MCTP1: variants seen among roughly 807,000 people sequenced by gnomAD.
MCTP1 encodes the protein multiple C2 and transmembrane domain containing 1.
A neutral mutation model predicts 120.6 loss-of-function variants in MCTP1; 69 were observed. The observed-to-expected ratio is 0.57, with a 90% CI of 0.47 to 0.70. The LOEUF is 0.70. Among genes scored for constraint, MCTP1 ranks in the 30% least tolerant of loss-of-function variants. MCTP1 has a pLI of 0.00. For missense variants in MCTP1, 1,203 were observed against 1,248.8 expected (o/e 0.96, Z 0.55); for synonymous variants, 529 against 493.1 (o/e 1.07, Z -0.96).
At chr5:94,735,989 A>G (rs1399966339) in intron 19 of MCTP1, among the ~76,000 whole-genome samples, 1 of 152,168 alleles carries the variant, frequency 6.6e-6, no homozygotes, top group East Asian at 1.9e-4. Flanking sequence ...CTTGGTTTCA[A>G]CCCACTACCC....
intron 1 of MCTP1, among the ~76,000 whole-genome samples, chr5:95,275,438 T>A (rs541575891): frequency 6.6e-6 from 1 of 152,170 alleles, no homozygotes; most frequent in Non-Finnish European, 1.5e-5. Context: ...CACCAAACCC[T>A]CTTGGCTCCT....
chr5:95,072,081 C>CTCTGTGTGTG (rs1752303253), intron 1 of MCTP1, among the ~76,000 whole-genome samples: 1 of 143,784 alleles, frequency 7.0e-6, no homozygotes, highest in Non-Finnish European at 1.5e-5. Context: ...GCCAATTTTC[C>CTCTGTGTGTG]TGTGTGTGTG....
intron 18 of MCTP1, among the ~76,000 whole-genome samples, chr5:94,786,636 C>G (rs1343371301): frequency 6.6e-6 from 1 of 152,180 alleles, no homozygotes; most frequent in Non-Finnish European, 1.5e-5. Context: ...AAAAGCCTGC[C>G]TGGTCTACTT....
intron 1 of MCTP1, among the ~76,000 whole-genome samples, chr5:95,037,603 C>G (rs1400529593): frequency 6.6e-6 from 1 of 152,108 alleles, no homozygotes; most frequent in Non-Finnish European, 1.5e-5. Context: ...CAGTGGCTAA[C>G]GTCTGTAATC....
At chr5:95,248,709 C>G (rs992218183) in intron 1 of MCTP1, among the ~76,000 whole-genome samples, 2 of 152,100 alleles carry the variant, frequency 1.3e-5, no homozygotes, top group African/African-American at 4.8e-5. Flanking sequence ...CCCACATAAC[C>G]AAGACAATCC....
intron 11 of MCTP1, among the ~76,000 whole-genome samples, chr5:94,891,808 CTTCATCAAGAGGTA>C (rs1410788054): frequency 7.3e-5 from 11 of 151,478 alleles, no homozygotes; most frequent in Admixed American, 4.6e-4. Context: ...AAAAACATAA[CTTCATCAAGAGGTA>C]TTCATCAAGA....
At chr5:94,838,559 T>A (rs746340459) in intron 17 of MCTP1, among the ~76,000 whole-genome samples, 1 of 152,136 alleles carries the variant, frequency 6.6e-6, no homozygotes, top group Non-Finnish European at 1.5e-5. Context: ...GAAACTCCCA[T>A]ACAATGCACT....
chr5:95,012,379 T>C (rs1350177740), intron 2 of MCTP1, among the ~76,000 whole-genome samples: 2 of 152,108 alleles, frequency 1.3e-5, no homozygotes, highest in East Asian at 1.9e-4. Context: ...AGTACATACA[T>C]TTATGTATAG....
chr5:95,114,927 C>G (rs1010287183), intron 1 of MCTP1, among the ~76,000 whole-genome samples: 1 of 152,162 alleles, frequency 6.6e-6, no homozygotes, highest in Non-Finnish European at 1.5e-5. Flanking sequence ...CTCCAGATGG[C>G]CCAGAACAGA....
intron 17 of MCTP1, among the ~76,000 whole-genome samples, chr5:94,820,329 C>T (rs1440048661): frequency 1.3e-5 from 2 of 152,178 alleles, no homozygotes; most frequent in Non-Finnish European, 2.9e-5. Context: ...ATCTTATCAC[C>T]AAAGCATAGC....
At chr5:95,241,618 C>T (rs73776337) in intron 1 of MCTP1, among the ~76,000 whole-genome samples, 1 of 152,052 alleles carries the variant, frequency 6.6e-6, no homozygotes, top group Admixed American at 6.6e-5. Flanking sequence ...ACATTTATAC[C>T]ATATTTCTAT....
At chr5:94,806,348 T>C (rs958881954) in intron 17 of MCTP1, among the ~76,000 whole-genome samples, 1 of 152,174 alleles carries the variant, frequency 6.6e-6, no homozygotes. Flanking sequence ...TGCTGAGAAG[T>C]TAAGTGAAGG....
Position 94,953,717 on chromosome 5 carries a change from G to A in MCTP1, c.839-356C>T, listed in dbSNP as rs1460917542. 1.3e-4 allele frequency among the ~76,000 whole-genome samples: 19 copies of A among 147,316 alleles called. No individual in the cohort carries two copies. The East Asian group carries it at 1.8e-3, about 14-fold the overall frequency. ...TCACAGCACTTTTCACAATAGCAAA[G>A]ACATGGAATCAACAGACTATTGGGC... On this transcript the variant is annotated intron_variant, in intron 2 of 22. Coordinates refer to ENST00000515393, the MANE Select transcript of MCTP1 (RefSeq NM_024717.7).
At chr5:94,932,924 T>A (rs1281210079) in intron 5 of MCTP1, among the ~76,000 whole-genome samples, 2 of 151,990 alleles carry the variant, frequency 1.3e-5, no homozygotes, top group African/African-American at 4.8e-5. Flanking sequence ...TGTCAGAAAC[T>A]ATTCATGGAT....
At chr5:94,898,675 T>C (rs1339987862) in intron 10 of MCTP1, among the ~76,000 whole-genome samples, 2 of 152,186 alleles carry the variant, frequency 1.3e-5, no homozygotes, top group East Asian at 3.8e-4. Context: ...TGGTTTTATA[T>C]TGTTACCAAG....
chr5:94,914,531 C>T (rs982482403), intron 8 of MCTP1, among the ~76,000 whole-genome samples: 3 of 152,248 alleles, frequency 2.0e-5, no homozygotes, highest in Non-Finnish European at 4.4e-5. Flanking sequence ...CTTTCAAAAT[C>T]ACATTGCATA....
intron 1 of MCTP1, among the ~76,000 whole-genome samples, chr5:95,282,636 T>C (rs1181735526): frequency 6.6e-6 from 1 of 152,226 alleles, no homozygotes; most frequent in Non-Finnish European, 1.5e-5. Context: ...TTTGGTCTTT[T>C]TGTCACTATT....
intron 17 of MCTP1, among the ~76,000 whole-genome samples, chr5:94,838,915 G>A (rs1212838766): frequency 6.6e-6 from 1 of 152,176 alleles, no homozygotes; most frequent in Admixed American, 6.5e-5. Context: ...GGGATCCTCA[G>A]AGGTCTTGGT....
intron 1 of MCTP1, among the ~76,000 whole-genome samples, chr5:95,058,690 G>A (rs1309999446): frequency 6.9e-6 from 1 of 144,582 alleles, no homozygotes; most frequent in Non-Finnish European, 1.5e-5. Flanking sequence ...GTCCATGGAG[G>A]GAAAATTGTG....
Sources: allele counts gnomAD v4.1 joint callset (sites outside exome capture counted in the v4.1 genomes callset), GRCh38; gene constraint gnomAD v4.1.1; transcripts MANE v1.5; gene names NCBI Gene and HGNC (gene_info 2026-07-23, HGNC 2026-07-21).